NFATC3: variants seen among roughly 807,000 people sequenced by gnomAD.
NFATC3 encodes nuclear factor of activated T cells 3, also known as nuclear factor of activated T-cells, cytoplasmic 3.
A neutral mutation model predicts 98.6 loss-of-function variants in NFATC3; 46 were observed. That is an observed-to-expected ratio of 0.47 (90% CI 0.37 to 0.60). The LOEUF is 0.60. NFATC3 is among the 20% of genes least tolerant of loss of function. NFATC3 has a pLI of 0.00. For missense variants in NFATC3, 1,256 were observed against 1,295.5 expected (o/e 0.97, Z 0.47); for synonymous variants, 512 against 472.2 (o/e 1.08, Z -1.09).
chr16:68,130,533 C>G (rs1333255600), intron 3 of NFATC3, among the ~76,000 whole-genome samples: 2 of 151,946 alleles, frequency 1.3e-5, no homozygotes. Flanking sequence ...GTTTGAGTAC[C>G]TTGTACATTC....
intron 9 of NFATC3, among the ~76,000 whole-genome samples, chr16:68,223,946 TA>T (rs1480549385): frequency 6.7e-6 from 1 of 148,638 alleles, no homozygotes; most frequent in African/African-American, 2.5e-5. Flanking sequence ...ATCTATACCT[TA>T]AAAAATTGCT....
Position 68,175,942 on chromosome 16 carries a change from T to TC in NFATC3, c.1915+1433dup, listed in dbSNP as rs60822486. On this transcript the variant is annotated intron_variant, in intron 6 of 9. Coordinates refer to ENST00000346183, the MANE Select transcript of NFATC3 (RefSeq NM_173165.3). Reference sequence around the variant, plus strand: ...ACATTTACCTTTGAAAGCCCCTGGGTCCCCCTTCTCAAATGGAACCATCAT... The same window carrying TC: ...ACATTTACCTTTGAAAGCCCCTGGGTCCCCCCTTCTCAAATGGAACCATCAT... Among the ~76,000 whole-genome samples, 747 of 152,206 alleles carry TC rather than the reference T, an allele frequency of 4.9e-3. 8 individuals are homozygous for TC. The highest frequency in any genetic ancestry group is 0.017 in the African/African-American group (707 of 41,522).
At chr16:68,173,924 G>A (rs2037184124) in intron 5 of NFATC3, among the ~76,000 whole-genome samples, 1 of 152,150 alleles carries the variant, frequency 6.6e-6, no homozygotes, top group Non-Finnish European at 1.5e-5. Flanking sequence ...CAAGGCAGGA[G>A]GATTGTTTGA....
At position 68,098,418 on chromosome 16, in the gene NFATC3, C is replaced by T. The variant is rs556667580; in HGVS notation, c.103+12634C>T. Among the ~76,000 whole-genome samples the T allele has an allele frequency of 2.0e-5, 3 of 151,482 alleles. No homozygotes were observed. The South Asian group carries it at 6.3e-4, about 32-fold the overall frequency. The stretch of plus-strand genomic sequence containing the variant: ...CCTCGTTCAAGTTGTTCTCCTGCCT[C>T]AGCCTCCCGAGTAGCTGGGATTGCA... On this transcript the variant is annotated intron_variant, in intron 1 of 9. Coordinates refer to ENST00000346183, the MANE Select transcript of NFATC3 (RefSeq NM_173165.3).
intron 6 of NFATC3, among the ~76,000 whole-genome samples, chr16:68,176,914 C>T (rs1425881306): frequency 6.6e-6 from 1 of 151,674 alleles, no homozygotes; most frequent in East Asian, 1.9e-4. Flanking sequence ...AGGGGACTGT[C>T]TTTGTGGGGA....
rs1356394517 is a variant in NFATC3, at chr16:68,228,847, T to G, written c.*2376T>G. On this transcript the variant is annotated 3_prime_UTR_variant, in exon 10 of 10. Transcript: ENST00000346183. ...ATGGAATGGGTAGCCTTCTGCTTAC[T>G]GGAGATGCACAGAGAAACATGGCTG... 3 of 152,286 alleles carry G rather than the reference T, an allele frequency of 2.0e-5. No homozygotes were observed. The highest frequency in any genetic ancestry group is 2.9e-5 in the Non-Finnish European group (2 of 68,042). 9.4% of individuals were successfully genotyped at this position (152,286 alleles called of 1,614,324 possible).
intron 9 of NFATC3, chr16:68,200,158 A>C (rs1006539190): frequency 5.3e-5 from 8 of 151,812 alleles, no homozygotes; most frequent in African/African-American, 1.9e-4. Context: ...CAGCAACTTC[A>C]TCCTTCCCTC....
At chr16:68,224,670 C>G (rs1467103401) in intron 9 of NFATC3, 1 of 151,056 alleles carries the variant, frequency 6.6e-6, no homozygotes, top group African/African-American at 2.4e-5. Flanking sequence ...CTCCACATTC[C>G]AGGTTCAAGC....
intron 3 of NFATC3, among the ~76,000 whole-genome samples, chr16:68,129,972 C>T (rs921776620): frequency 6.6e-6 from 1 of 152,092 alleles, no homozygotes; most frequent in Non-Finnish European, 1.5e-5. Flanking sequence ...GCTGCCAGGC[C>T]TGGCTGATTT....
intron 1 of NFATC3, among the ~76,000 whole-genome samples, chr16:68,101,637 C>G (rs541107891): frequency 6.6e-6 from 1 of 152,004 alleles, no homozygotes; most frequent in Non-Finnish European, 1.5e-5. Context: ...GCGCCTGCCA[C>G]CACGCCTGGC....
At chr16:68,205,012 A>T (rs1171491187) in intron 9 of NFATC3, among the ~76,000 whole-genome samples, 18 of 141,232 alleles carry the variant, frequency 1.3e-4, no homozygotes, top group East Asian at 6.1e-4. Flanking sequence ...TTTTTTTTTT[A>T]AAGACATTTC....
chr16:68,105,408 A>G (rs566866743), intron 1 of NFATC3, among the ~76,000 whole-genome samples: 2 of 150,884 alleles, frequency 1.3e-5, no homozygotes, highest in East Asian at 3.9e-4. Context: ...TTTTTTCTTC[A>G]CTCTATTAAT....
intron 3 of NFATC3, among the ~76,000 whole-genome samples, chr16:68,143,984 A>G (rs2037897690): frequency 6.6e-6 from 1 of 152,202 alleles, no homozygotes; most frequent in Non-Finnish European, 1.5e-5. Flanking sequence ...TACCTAAAAG[A>G]AAAAAATTGA....
At chr16:68,209,455 C>A in intron 9 of NFATC3, 1 of 188,072 alleles carries the variant, frequency 5.3e-6, no homozygotes, top group South Asian at 8.9e-5. Context: ...ACCCGTAGAC[C>A]ACCACCATGG....
intron 1 of NFATC3, among the ~76,000 whole-genome samples, chr16:68,099,414 G>A (rs1475259949): frequency 6.6e-6 from 1 of 151,302 alleles, no homozygotes; most frequent in African/African-American, 2.4e-5. Context: ...CAGCCTGGGC[G>A]ACAGAGCGAG....
At position 68,191,251 on chromosome 16, in the gene NFATC3, C is replaced by A. The variant is rs138972175; in HGVS notation, c.2582C>A (p.Ser861Ter). The change falls in exon 9 of 10, where the codon TCA becomes TAA. Residue 861 changes from serine to a stop codon, truncating the protein, a stop_gained. Coordinates refer to ENST00000346183, the MANE Select transcript of NFATC3 (RefSeq NM_173165.3). LOFTEE classifies it high-confidence loss of function. ...SIPFHSSNSG[S>*]TGHLLAHTPH... ...CCATTTCATTCTTCAAATTCAGGCT[C>A]AACAGGACATCTCTTAGCCCATACA... The A allele has an allele frequency of 1.2e-6, 2 of 1,614,074 alleles. No homozygotes were observed. The highest frequency in any genetic ancestry group is 2.7e-5 in the African/African-American group (2 of 74,916).
chr16:68,154,594 T>G (rs1204387010), intron 3 of NFATC3, among the ~76,000 whole-genome samples: 1 of 152,222 alleles, frequency 6.6e-6, no homozygotes, highest in African/African-American at 2.4e-5. Flanking sequence ...ACTCAGATAT[T>G]ATATTTTAAA....
At chr16:68,181,298 A>T (rs1298834405) in intron 6 of NFATC3, among the ~76,000 whole-genome samples, 177 bp from the exon 7 acceptor site, 3 of 152,156 alleles carry the variant, frequency 2.0e-5, no homozygotes, top group African/African-American at 7.2e-5. Flanking sequence ...GCAGCCCAAG[A>T]TCTTTCTCCT....
At chr16:68,148,078 C>T (rs772168090) in intron 3 of NFATC3, among the ~76,000 whole-genome samples, 4 of 151,954 alleles carry the variant, frequency 2.6e-5, no homozygotes, top group Admixed American at 1.3e-4. Flanking sequence ...TGCAATGGCG[C>T]GATCTCGGCT....
Sources: gnomAD v4.1 joint callset for allele counts (sites outside exome capture counted in the v4.1 genomes callset) on GRCh38, gnomAD v4.1.1 for gene constraint, MANE v1.5 for transcripts, NCBI Gene and HGNC (gene_info 2026-07-23, HGNC 2026-07-21) for gene names.